SNED1: variants seen among roughly 807,000 people sequenced by gnomAD.
SNED1 encodes the protein sushi, nidogen and EGF like domains 1.
In SNED1, 81 loss-of-function variants were observed where a neutral mutation model predicts 166.7. The observed-to-expected ratio is 0.49, with a 90% CI of 0.41 to 0.58. The LOEUF is 0.58. Ranked by LOEUF, SNED1 falls within the 20% of genes least tolerant of loss-of-function variation. SNED1 has a pLI of 0.00. For missense variants in SNED1, 1,604 were observed against 2,000.2 expected (o/e 0.80, Z 3.78); for synonymous variants, 762 against 822.0 (o/e 0.93, Z 1.25).
chr2:241,069,065 T>A lies in SNED1; in HGVS notation c.3307+42T>A. 7.3e-7 allele frequency: 1 copy of A among 1,368,574 alleles called. No individual in the cohort carries two copies. Among genetic ancestry groups the A allele is most frequent in the South Asian group, 1.3e-5 (1 of 77,684 alleles). 84.8% of individuals were successfully genotyped at this position (1,368,574 alleles called of 1,614,324 possible). ...GGCCCCCGGCACACGAAAGGCCGTC[T>A]TCTAGAAGCTCTGGCTTCCTTCCAG... On this transcript the variant is annotated intron_variant, in intron 23 of 31. Coordinates refer to ENST00000310397, the MANE Select transcript of SNED1 (RefSeq NM_001080437.3). The surrounding 1 kb of genome is among the most constrained non-coding windows in gnomAD (Gnocchi z 4.9).
In SNED1 at chr2:241,081,678, C is replaced by T. The variant is rs372307971; in HGVS notation, c.3918C>T (p.Asn1306=). 57 of 1,595,198 alleles carry T rather than the reference C, an allele frequency of 3.6e-5. No homozygotes were observed. The highest frequency in any genetic ancestry group is 3.5e-4 in the African/African-American group (26 of 74,694). Residue 1306 remains asparagine, a splice_region_variant and synonymous_variant, in exon 28 of 32, where the codon AAC becomes AAT. Transcript: ENST00000310397. ...LPEHGSKDIG[N]VPGNCSENPC... ...ACCTCTCGTGACCTCTGTTTCCAGA[C>T]GTCCCTGGCAACTGTTCAGAAAACC... is the stretch of plus-strand genomic sequence containing the variant.
chr2:241,001,218 G>A (rs528257901), intron 1 of SNED1, among the ~76,000 whole-genome samples: 17 of 152,338 alleles, frequency 1.1e-4, no homozygotes, highest in East Asian at 1.9e-4. Context: ...CCAGCCTGTC[G>A]CTTGACCAAG....
intron 6 of SNED1, among the ~76,000 whole-genome samples, chr2:241,039,753 G>C (rs571787186): frequency 3.9e-5 from 6 of 152,144 alleles, no homozygotes; most frequent in African/African-American, 1.4e-4. Context: ...CTTGGAATAA[G>C]AGCCACCTAG....
chr2:241,025,293 C>T (rs1277494802), intron 1 of SNED1, among the ~76,000 whole-genome samples: 1 of 152,164 alleles, frequency 6.6e-6, no homozygotes, highest in Non-Finnish European at 1.5e-5. Flanking sequence ...CAAACCATCC[C>T]CACACCCCCA....
At chr2:241,070,242 TGCCA>T in intron 24 of SNED1, 41 bp downstream of exon 24, 1 of 1,558,048 alleles carries the variant, frequency 6.4e-7, no homozygotes, top group Non-Finnish European at 8.6e-7. Flanking sequence ...GGCCAGTGTT[TGCCA>T]GCCCTCCACC....
Position 241,057,380 on chromosome 2 carries a change from A to AATATATATAT in SNED1, c.2257+4077_2257+4086dup, listed in dbSNP as rs57902432. On this transcript the variant is annotated intron_variant, in intron 16 of 31. Coordinates refer to ENST00000310397, the MANE Select transcript of SNED1 (RefSeq NM_001080437.3). ...GGCGACGAGCAAAACTCCATCTCAA[A>AATATATATAT]ATATATATATATATATATATATATA... Among the ~76,000 whole-genome samples the AATATATATAT allele has an allele frequency of 3.7e-3, 439 of 118,066 alleles. 8 individuals are homozygous for AATATATATAT. The highest frequency in any genetic ancestry group is 0.012 in the African/African-American group (318 of 26,136). The allele number at this position is 118,066 out of a possible 152,430, so 77.5% of individuals were successfully genotyped here.
chr2:240,999,129 C>T lies in SNED1; in HGVS notation c.213+79C>T. On this transcript the variant is annotated intron_variant, in intron 1 of 31. Transcript: ENST00000310397. This position sits in a 1 kb window ranked among gnomAD's most constrained non-coding sequence, Gnocchi z 5.8. ...GGCCGCTGCCCGCCGGGCCCGGACT[C>T]CCGCCGCCGCCGCCAGCCACTTGGC... 1 of 867,384 alleles carries T rather than the reference C, an allele frequency of 1.2e-6. No homozygotes were observed. The highest frequency in any genetic ancestry group is 1.5e-6 in the Non-Finnish European group (1 of 666,006). 53.7% of individuals were successfully genotyped at this position (867,384 alleles called of 1,614,324 possible).
At chr2:241,087,713 T>G (rs2063657468) in intron 30 of SNED1, 1 of 1,357,504 alleles carries the variant, frequency 7.4e-7, no homozygotes, top group Non-Finnish European at 9.5e-7. Flanking sequence ...GGGGTCACTC[T>G]GGTTATGCAT....
At position 241,068,703 on chromosome 2, in the gene SNED1, G is replaced by A. The variant is rs1033305626; in HGVS notation, c.3195-208G>A. 3.3e-5 allele frequency among the ~76,000 whole-genome samples: 5 copies of A among 152,038 alleles called. No homozygotes were observed. The highest frequency in any genetic ancestry group is 4.8e-5 in the African/African-American group (2 of 41,386). On this transcript the variant is annotated intron_variant, in intron 22 of 31. Coordinates refer to ENST00000310397, the MANE Select transcript of SNED1 (RefSeq NM_001080437.3). The surrounding 1 kb of genome is among the most constrained non-coding windows in gnomAD (Gnocchi z 5.3). ...CCCCAAGCGCACCCGATCCTCCTCCGCTGCCCGGACTATGGGTTGGCTTCC... is the reference window on the plus strand; with the variant it reads ...CCCCAAGCGCACCCGATCCTCCTCCACTGCCCGGACTATGGGTTGGCTTCC...
chr2:241,089,265 C>A, intron 31 of SNED1: 1 of 1,542,400 alleles, frequency 6.5e-7, no homozygotes, highest in South Asian at 1.2e-5. Context: ...CTTCCTGCCC[C>A]TTATAGGAGC....
intron 2 of SNED1, among the ~76,000 whole-genome samples, chr2:241,031,815 C>T (rs1205158845): frequency 3.9e-5 from 6 of 152,204 alleles, no homozygotes; most frequent in African/African-American, 1.4e-4. Flanking sequence ...CTAATGTTGA[C>T]TTTTACATAA....
intron 1 of SNED1, among the ~76,000 whole-genome samples, chr2:241,027,238 G>T (rs1390535595): frequency 6.6e-6 from 1 of 152,120 alleles, no homozygotes; most frequent in South Asian, 2.1e-4. Flanking sequence ...GTGCCACCAT[G>T]CCCAGCTAAT....
chr2:241,058,158 AAAG>A (rs2062119957), intron 16 of SNED1, among the ~76,000 whole-genome samples: 1 of 152,214 alleles, frequency 6.6e-6, no homozygotes, highest in Non-Finnish European at 1.5e-5. Context: ...ACTATCAGAA[AAAG>A]AAGAGTATAA....
chr2:240,998,259 G>A (rs1223411713), upstream of SNED1, among the ~76,000 whole-genome samples: 1 of 152,276 alleles, frequency 6.6e-6, no homozygotes, highest in African/African-American at 2.4e-5. Flanking sequence ...GGGCAGCACG[G>A]AACGGGTTCA....
chr2:241,065,713 AAGAC>A, intron 21 of SNED1, 118 bp downstream of exon 21: 2 of 885,820 alleles, frequency 2.3e-6, no homozygotes, highest in South Asian at 3.4e-5. Context: ...TTGCAGCAGC[AAGAC>A]AGACAGCTGA....
chr2:241,047,146 C>CAAAAAAAAAAAAAAAAAAAAAAA, intron 8 of SNED1, among the ~76,000 whole-genome samples: 1 of 68,152 alleles, frequency 1.5e-5, no homozygotes, highest in Non-Finnish European at 3.4e-5. Flanking sequence ...GAGACTCTGT[C>CAAAAAAAAAAAAAAAAAAAAAAA]AAAAAAAAAA....
At position 241,064,431 on chromosome 2, in the gene SNED1, A is replaced by G. The variant is rs1438879690; in HGVS notation, c.2599+306A>G. Among the ~76,000 whole-genome samples, 1 of 152,174 alleles carries G rather than the reference A, an allele frequency of 6.6e-6. No homozygotes were observed. The highest frequency in any genetic ancestry group is 1.5e-5 in the Non-Finnish European group (1 of 68,014). On this transcript the variant is annotated intron_variant, in intron 19 of 31. Coordinates refer to ENST00000310397, the MANE Select transcript of SNED1 (RefSeq NM_001080437.3). The surrounding 1 kb of genome is among the most constrained non-coding windows in gnomAD (Gnocchi z 7.0). ...CACATAGGCCCTGCTGCCCTTGGACAGGCCAAGTTTCTTGCACACCCAGGT... is the reference window on the plus strand; with the variant it reads ...CACATAGGCCCTGCTGCCCTTGGACGGGCCAAGTTTCTTGCACACCCAGGT...
In SNED1 at chr2:241,048,651, C is replaced by G; in HGVS notation, c.1400-11C>G. ...CCCCACATGGGAGGCTCCTCCCTCTCTTCGTGGCAGGAGTCCCCGATGACT... is the reference window on the plus strand; with the variant it reads ...CCCCACATGGGAGGCTCCTCCCTCTGTTCGTGGCAGGAGTCCCCGATGACT... On this transcript the variant is annotated splice_polypyrimidine_tract_variant and intron_variant, in intron 9 of 31. Coordinates refer to ENST00000310397, the MANE Select transcript of SNED1 (RefSeq NM_001080437.3). The G allele has an allele frequency of 6.2e-7, 1 of 1,601,338 alleles. No homozygotes were observed. Among genetic ancestry groups the G allele is most frequent in the Non-Finnish European group, 8.5e-7 (1 of 1,173,868 alleles).
chr2:241,057,738 A>T (rs950851175), intron 16 of SNED1, among the ~76,000 whole-genome samples: 1 of 152,146 alleles, frequency 6.6e-6, no homozygotes, highest in Non-Finnish European at 1.5e-5. Context: ...ATTCAGTCAA[A>T]TTGTTATTCA....
Sources: allele counts gnomAD v4.1 joint callset (sites outside exome capture counted in the v4.1 genomes callset), GRCh38; gene constraint gnomAD v4.1.1; non-coding constraint Gnocchi (gnomAD v3.1); transcripts MANE v1.5; gene names NCBI Gene and HGNC (gene_info 2026-07-23, HGNC 2026-07-21).